B3GALT1: variants seen among roughly 807,000 people sequenced by gnomAD.
B3GALT1 encodes UDP-Gal:betaGlcNAc beta 1,3-galactosyltransferase, polypeptide 1.
B3GALT1 carries 10 observed loss-of-function variants against 23.2 expected under a neutral mutation model. That is an observed-to-expected ratio of 0.43 (90% CI 0.27 to 0.73). The LOEUF is 0.73. Ranked by LOEUF, B3GALT1 falls within the 30% of genes least tolerant of loss-of-function variation. The pLI, the probability that B3GALT1 is intolerant of heterozygous loss-of-function variation, is 0.21. For missense variants in B3GALT1, 299 were observed against 405.4 expected, an observed-to-expected ratio of 0.74 and a Z score of 2.25; for synonymous variants, 156 against 141.5, an observed-to-expected ratio of 1.10 and a Z score of -0.73.
chr2:167,502,834 T>A (rs1197886790), intron 2 of B3GALT1, among the ~76,000 whole-genome samples: 1 of 151,916 alleles, frequency 6.6e-6, no homozygotes, highest in East Asian at 1.9e-4. Context: ...AGGTCAGGAG[T>A]TCGAGACCAG....
chr2:167,418,033 G>A (rs1249062132), intron 1 of B3GALT1, among the ~76,000 whole-genome samples: 1 of 152,164 alleles, frequency 6.6e-6, no homozygotes, highest in Non-Finnish European at 1.5e-5. Flanking sequence ...CTTAAAAATG[G>A]CAGACTTTGG....
In B3GALT1 at chr2:167,870,856, CAT is replaced by C. The variant is rs1254248336; in HGVS notation, c.*839_*840del. On this transcript the variant is annotated 3_prime_UTR_variant, in exon 5 of 5. Transcript: ENST00000392690. ...TTTCACAGTTTTTGGATCTGGCAGG[CAT>C]ATGTCTCTATGTAGAAAATAAGTTG... 1 of 166,960 alleles carries C rather than the reference CAT, an allele frequency of 6.0e-6. No homozygotes were observed. Among genetic ancestry groups the C allele is most frequent in the Non-Finnish European group, 1.5e-5 (1 of 68,102 alleles). 10.3% of individuals were successfully genotyped at this position (166,960 alleles called of 1,614,324 possible).
chr2:167,835,010 G>A (rs1267879425), intron 4 of B3GALT1, among the ~76,000 whole-genome samples: 2 of 152,124 alleles, frequency 1.3e-5, no homozygotes, highest in Non-Finnish European at 2.9e-5. Context: ...ACGCCTATGT[G>A]ATAGTCATAA....
At chr2:167,573,959 CAG>C (rs970349128) in intron 2 of B3GALT1, among the ~76,000 whole-genome samples, 34 of 151,670 alleles carry the variant, frequency 2.2e-4, no homozygotes, top group African/African-American at 8.2e-4. Context: ...TTTATGAAAA[CAG>C]AGATATGTAA....
At chr2:167,557,710 CAT>C (rs1248969710) in intron 2 of B3GALT1, among the ~76,000 whole-genome samples, 2 of 152,154 alleles carry the variant, frequency 1.3e-5, no homozygotes, top group Non-Finnish European at 2.9e-5. Flanking sequence ...AGACCAAAGG[CAT>C]ATGTCAGTTT....
At chr2:167,540,369 C>T (rs974159637) in intron 2 of B3GALT1, among the ~76,000 whole-genome samples, 1 of 152,156 alleles carries the variant, frequency 6.6e-6, no homozygotes, top group African/African-American at 2.4e-5. Context: ...CAGGCCCCAT[C>T]CCACAACTAC....
intron 1 of B3GALT1, among the ~76,000 whole-genome samples, chr2:167,398,943 C>T (rs1403391038): frequency 6.6e-6 from 1 of 152,146 alleles, no homozygotes; most frequent in Non-Finnish European, 1.5e-5. Context: ...GCCAAGGTGA[C>T]ATCTGTCAGC....
intron 3 of B3GALT1, among the ~76,000 whole-genome samples, chr2:167,681,641 C>T (rs1031393062): frequency 2.0e-5 from 3 of 152,214 alleles, no homozygotes; most frequent in Non-Finnish European, 4.4e-5. Context: ...CACTAAGTTT[C>T]TCTAGAAGTT....
At chr2:167,424,040 A>G (rs1698588256) in intron 1 of B3GALT1, among the ~76,000 whole-genome samples, 1 of 152,200 alleles carries the variant, frequency 6.6e-6, no homozygotes, top group South Asian at 2.1e-4. Flanking sequence ...ATTACACAAG[A>G]CAGAAATGCT....
intron 1 of B3GALT1, among the ~76,000 whole-genome samples, chr2:167,348,719 A>T (rs1283746476): frequency 1.3e-5 from 2 of 152,114 alleles, no homozygotes; most frequent in Non-Finnish European, 2.9e-5. Flanking sequence ...ATATGTTCAC[A>T]TATTCATTCT....
intron 1 of B3GALT1, among the ~76,000 whole-genome samples, chr2:167,302,687 A>G (rs1315998554): frequency 6.6e-6 from 1 of 152,186 alleles, no homozygotes; most frequent in Non-Finnish European, 1.5e-5. Flanking sequence ...ATATACGTGT[A>G]TCTTATCAGT....
At chr2:167,852,466 TG>T (rs1370677950) in intron 4 of B3GALT1, among the ~76,000 whole-genome samples, 1 of 99,906 alleles carries the variant, frequency 1.0e-5, no homozygotes, top group African/African-American at 4.0e-5. Context: ...TTATTCGTGA[TG>T]GTGTGTGTGT....
chr2:167,656,934 C>G (rs1558938957), intron 3 of B3GALT1, among the ~76,000 whole-genome samples: 1 of 151,880 alleles, frequency 6.6e-6, no homozygotes. Flanking sequence ...ACAGTGCTGG[C>G]AGCTGTAGAT....
chr2:167,566,086 G>A (rs1355479818), intron 2 of B3GALT1, among the ~76,000 whole-genome samples: 3 of 151,990 alleles, frequency 2.0e-5, no homozygotes, highest in Non-Finnish European at 4.4e-5. Flanking sequence ...CAATAGCAAA[G>A]ACTTGGAACA....
At chr2:167,595,068 A>G (rs1276955874) in intron 2 of B3GALT1, among the ~76,000 whole-genome samples, 2 of 152,122 alleles carry the variant, frequency 1.3e-5, no homozygotes, top group Non-Finnish European at 2.9e-5. Context: ...AACTGGGTAC[A>G]CTTCTAGGGT....
At chr2:167,429,488 A>G (rs1052334701) in intron 1 of B3GALT1, among the ~76,000 whole-genome samples, 4 of 152,190 alleles carry the variant, frequency 2.6e-5, no homozygotes, top group Non-Finnish European at 5.9e-5. Context: ...TGAACCAAGT[A>G]TCTAGAGAAA....
intron 4 of B3GALT1, among the ~76,000 whole-genome samples, chr2:167,858,331 A>T (rs1326776080): frequency 4.6e-5 from 7 of 151,084 alleles, no homozygotes; most frequent in African/African-American, 1.7e-4. Context: ...TTTTCTTTTG[A>T]ACAAGAGCGA....
At chr2:167,483,267 T>G (rs1457651152) in intron 1 of B3GALT1, among the ~76,000 whole-genome samples, 1 of 152,144 alleles carries the variant, frequency 6.6e-6, no homozygotes, top group African/African-American at 2.4e-5. Context: ...CACTCCAGCC[T>G]GGGCAACGAG....
intron 2 of B3GALT1, among the ~76,000 whole-genome samples, chr2:167,530,984 A>G (rs1683316632): frequency 6.6e-6 from 1 of 152,208 alleles, no homozygotes; most frequent in Non-Finnish European, 1.5e-5. Context: ...TTGCATGTGA[A>G]CAAGAAAGAA....
Sources: gnomAD v4.1 joint callset for allele counts (sites outside exome capture counted in the v4.1 genomes callset) on GRCh38, gnomAD v4.1.1 for gene constraint, MANE v1.5 for transcripts, NCBI Gene and HGNC (gene_info 2026-07-23, HGNC 2026-07-21) for gene names.